Variants in CHCHD3 observed in about 807,000 individuals in gnomAD.
CHCHD3 encodes the protein MICOS complex subunit MIC19.
A neutral mutation model predicts 38.2 loss-of-function variants in CHCHD3; 20 were observed. The ratio of observed to expected loss-of-function variants is 0.52; its 90% CI spans 0.37 to 0.76. CHCHD3 has a LOEUF of 0.76. Ranked by LOEUF, CHCHD3 falls within the 30% of genes least tolerant of loss-of-function variation. The pLI is 0.00. For synonymous variants in CHCHD3, 82 were observed against 100.0 expected, an observed-to-expected ratio of 0.82 and a Z score of 1.07; for missense variants, 245 against 279.2, an observed-to-expected ratio of 0.88 and a Z score of 0.87.
intron 4 of CHCHD3, chr7:132,973,691 A>G: frequency 9.7e-7 from 1 of 1,032,136 alleles, no homozygotes; most frequent in Non-Finnish European, 1.2e-6. Flanking sequence ...TTCATTACGC[A>G]TGGACTTCCT....
intron 4 of CHCHD3, among the ~76,000 whole-genome samples, chr7:132,902,201 C>A (rs560984991): frequency 1.7e-4 from 26 of 152,244 alleles, no homozygotes; most frequent in African/African-American, 6.3e-4. Context: ...GAAATAGGAA[C>A]ACTTTTACAC....
At chr7:133,046,859 G>A (rs901916236) in intron 2 of CHCHD3, among the ~76,000 whole-genome samples, 10 of 152,126 alleles carry the variant, frequency 6.6e-5, no homozygotes, top group South Asian at 4.1e-4. Flanking sequence ...CACCGCACCC[G>A]GCCATATTTT....
At chr7:132,857,584 T>A (rs1300544679) in intron 5 of CHCHD3, among the ~76,000 whole-genome samples, 2 of 151,970 alleles carry the variant, frequency 1.3e-5, no homozygotes, top group Admixed American at 6.5e-5. Flanking sequence ...ATTTTTGTAT[T>A]TTTAATAGAG....
chr7:132,860,824 A>G (rs1405688484), intron 5 of CHCHD3, among the ~76,000 whole-genome samples: 1 of 152,160 alleles, frequency 6.6e-6, no homozygotes, highest in Admixed American at 6.5e-5. Flanking sequence ...AGGTTTCACC[A>G]TGTTGCCTGG....
intron 2 of CHCHD3, among the ~76,000 whole-genome samples, chr7:133,036,253 CT>C (rs1813670876): frequency 6.6e-6 from 1 of 152,124 alleles, no homozygotes; most frequent in African/African-American, 2.4e-5. Flanking sequence ...TGTTTTAACA[CT>C]TTTAAATGAT....
At chr7:132,990,606 C>T (rs1421304) in intron 3 of CHCHD3, among the ~76,000 whole-genome samples, 107,644 of 151,720 alleles carry the variant, frequency 0.71, 38,338 homozygotes, top group African/African-American at 0.75. Flanking sequence ...TATGAAATAA[C>T]ATGAGAATCT....
At chr7:132,925,565 A>G (rs549603936) in intron 4 of CHCHD3, among the ~76,000 whole-genome samples, 1 of 152,320 alleles carries the variant, frequency 6.6e-6, no homozygotes, top group South Asian at 2.1e-4. Context: ...CACCTTCAGG[A>G]CAGTAATGTA....
intron 2 of CHCHD3, among the ~76,000 whole-genome samples, chr7:133,044,751 A>G (rs1584668387): frequency 6.6e-6 from 1 of 152,262 alleles, no homozygotes; most frequent in Non-Finnish European, 1.5e-5. Flanking sequence ...GAGAGAATGT[A>G]TATGGCAGAA....
At chr7:132,858,038 T>G (rs576236462) in intron 5 of CHCHD3, among the ~76,000 whole-genome samples, 3 of 152,102 alleles carry the variant, frequency 2.0e-5, no homozygotes, top group Admixed American at 6.5e-5. Flanking sequence ...GAGTAGGGCT[T>G]TCTTCGATTC....
chr7:132,904,386 G>A (rs1809744252), intron 4 of CHCHD3, among the ~76,000 whole-genome samples: 1 of 152,166 alleles, frequency 6.6e-6, no homozygotes, highest in Non-Finnish European at 1.5e-5. Flanking sequence ...CTAGTCATGA[G>A]TTAAGAATAG....
intron 3 of CHCHD3, among the ~76,000 whole-genome samples, chr7:132,993,906 T>C (rs1162551643): frequency 6.6e-6 from 1 of 152,186 alleles, no homozygotes; most frequent in African/African-American, 2.4e-5. Flanking sequence ...CTGAAATTGA[T>C]AGCAGAAGGT....
intron 4 of CHCHD3, among the ~76,000 whole-genome samples, chr7:132,911,094 G>A (rs185530187): frequency 6.6e-6 from 1 of 152,298 alleles, no homozygotes; most frequent in African/African-American, 2.4e-5. Context: ...TGAAGAATAA[G>A]GGTTAAAAGG....
At chr7:132,798,134 A>G (rs1223634794) in intron 6 of CHCHD3, among the ~76,000 whole-genome samples, 1 of 152,156 alleles carries the variant, frequency 6.6e-6, no homozygotes, top group African/African-American at 2.4e-5. Flanking sequence ...GCTAATATAT[A>G]TTTTACTAGA....
intron 4 of CHCHD3, among the ~76,000 whole-genome samples, chr7:132,962,764 C>A (rs946526602): frequency 2.0e-5 from 3 of 151,848 alleles, no homozygotes; most frequent in Non-Finnish European, 4.4e-5. Context: ...TCTTTTTTGC[C>A]CATTCCACTT....
chr7:132,794,687 G>A (rs917197457), intron 7 of CHCHD3, among the ~76,000 whole-genome samples: 2 of 152,138 alleles, frequency 1.3e-5, no homozygotes, highest in African/African-American at 2.4e-5. Flanking sequence ...GGAAAAAAGA[G>A]GGTCTCTTTT....
intron 4 of CHCHD3, among the ~76,000 whole-genome samples, chr7:132,938,749 C>A (rs1810691711): frequency 6.6e-6 from 1 of 152,122 alleles, no homozygotes; most frequent in Non-Finnish European, 1.5e-5. Flanking sequence ...CGGCAACAAG[C>A]AAACAGGAAA....
intron 3 of CHCHD3, among the ~76,000 whole-genome samples, chr7:132,990,752 C>T (rs1812256492): frequency 6.6e-6 from 1 of 152,022 alleles, no homozygotes; most frequent in African/African-American, 2.4e-5. Context: ...AAACCTTAGG[C>T]CAGACAAAGA....
At chr7:132,988,210 C>G (rs1195432872) in intron 3 of CHCHD3, among the ~76,000 whole-genome samples, 1 of 151,848 alleles carries the variant, frequency 6.6e-6, no homozygotes, top group East Asian at 1.9e-4. Flanking sequence ...CAAATTTACC[C>G]AAAATAAAAC....
intron 4 of CHCHD3, among the ~76,000 whole-genome samples, chr7:132,943,828 T>G (rs867015115): frequency 1.3e-4 from 20 of 152,284 alleles, no homozygotes; most frequent in Middle Eastern, 3.4e-3. Context: ...GATGTCTCTC[T>G]ATTTCACTAT....
Sources: gnomAD v4.1 joint callset for allele counts (sites outside exome capture counted in the v4.1 genomes callset) on GRCh38, gnomAD v4.1.1 for gene constraint, MANE v1.5 for transcripts, NCBI Gene and HGNC (gene_info 2026-07-23, HGNC 2026-07-21) for gene names.